The following ASAP1 variants were observed in gnomAD, a reference collection of about 807,000 sequenced individuals.
ASAP1 encodes the protein ArfGAP with SH3 domain, ankyrin repeat and PH domain 1, also known as arf-GAP with SH3 domain, ANK repeat and PH domain-containing protein 1.
A neutral mutation model predicts 145.2 loss-of-function variants in ASAP1; 43 were observed. The ratio of observed to expected loss-of-function variants is 0.30; its 90% CI spans 0.23 to 0.38. The LOEUF is 0.38. Among genes scored for constraint, ASAP1 ranks in the 10% least tolerant of loss-of-function variants. The pLI is 1.00. For synonymous variants in ASAP1, 546 were observed against 515.5 expected (o/e 1.06, Z -0.80); for missense variants, 1,018 against 1,355.3 (o/e 0.75, Z 3.91).
intron 27 of ASAP1, among the ~76,000 whole-genome samples, chr8:130,061,290 A>C (rs1349095656): frequency 1.3e-5 from 2 of 152,204 alleles, no homozygotes; most frequent in African/African-American, 4.8e-5. Flanking sequence ...ATTATATAAG[A>C]ACAGGATGTC....
At chr8:130,404,214 A>T (rs1300388497) in intron 1 of ASAP1, among the ~76,000 whole-genome samples, 1 of 152,226 alleles carries the variant, frequency 6.6e-6, no homozygotes, top group Non-Finnish European at 1.5e-5. Flanking sequence ...TGGATAAACG[A>T]TCAAACCATT....
intron 24 of ASAP1, among the ~76,000 whole-genome samples, chr8:130,101,552 A>G (rs2097528751): frequency 6.6e-6 from 1 of 151,558 alleles, no homozygotes; most frequent in South Asian, 2.1e-4. Flanking sequence ...TAGCTATCGT[A>G]AAAGGGATTG....
intron 22 of ASAP1, among the ~76,000 whole-genome samples, chr8:130,116,370 T>A (rs1287919973): frequency 6.6e-6 from 1 of 152,260 alleles, no homozygotes; most frequent in Non-Finnish European, 1.5e-5. Flanking sequence ...AATAATTCTT[T>A]ACTATTAAGC....
intron 18 of ASAP1, among the ~76,000 whole-genome samples, chr8:130,120,674 G>A (rs561128959): frequency 7.2e-5 from 11 of 152,148 alleles, no homozygotes; most frequent in East Asian, 1.9e-4. Context: ...CAGATGCCAC[G>A]CAATTATTTG....
intron 1 of ASAP1, among the ~76,000 whole-genome samples, chr8:130,404,777 A>C (rs1030130342): frequency 1.8e-4 from 27 of 152,156 alleles, no homozygotes; most frequent in African/African-American, 6.3e-4. Context: ...TGGATTCTGG[A>C]CTGGATCACT....
intron 2 of ASAP1, among the ~76,000 whole-genome samples, chr8:130,374,562 A>G (rs1827389247): frequency 6.6e-6 from 1 of 152,216 alleles, no homozygotes. Context: ...CTAGGTGGCT[A>G]TATTATTTTG....
At chr8:130,231,358 A>AT (rs1274327113) in intron 4 of ASAP1, among the ~76,000 whole-genome samples, 4 of 152,204 alleles carry the variant, frequency 2.6e-5, no homozygotes, top group Non-Finnish European at 5.9e-5. Context: ...CTTCCACATC[A>AT]TATGCTGGTA....
chr8:130,310,247 A>C (rs1398541979), intron 3 of ASAP1, among the ~76,000 whole-genome samples: 2 of 152,174 alleles, frequency 1.3e-5, no homozygotes, highest in African/African-American at 4.8e-5. Context: ...AGAAATAACC[A>C]TTGTTATGGG....
intron 13 of ASAP1, 81 bp from the exon 14 acceptor site, chr8:130,137,119 T>C (rs1042059382): frequency 1.4e-5 from 17 of 1,173,432 alleles, no homozygotes; most frequent in African/African-American, 6.0e-5. Context: ...AGGGCAGGTA[T>C]GCTGTTCATA....
At chr8:130,057,905 G>T (rs759743346) in intron 29 of ASAP1, 49 bp downstream of exon 29, 1 of 1,603,752 alleles carries the variant, frequency 6.2e-7, no homozygotes, top group South Asian at 1.1e-5. Context: ...TGCCTGCCCA[G>T]GCATGCTGTA....
At chr8:130,422,042 A>G (rs1829740232) in intron 1 of ASAP1, among the ~76,000 whole-genome samples, 1 of 152,236 alleles carries the variant, frequency 6.6e-6, no homozygotes, top group East Asian at 1.9e-4. Context: ...GGGTGGGCAC[A>G]AACAAGAAGG....
At chr8:130,075,696 A>G (rs1477613253) in intron 27 of ASAP1, among the ~76,000 whole-genome samples, 1 of 152,220 alleles carries the variant, frequency 6.6e-6, no homozygotes, top group African/African-American at 2.4e-5. Context: ...TGTAATAAGA[A>G]GACTGAAATT....
intron 24 of ASAP1, among the ~76,000 whole-genome samples, chr8:130,096,784 G>A (rs767162158): frequency 6.6e-6 from 1 of 152,036 alleles, no homozygotes; most frequent in Non-Finnish European, 1.5e-5. Flanking sequence ...TGTTCTGCAG[G>A]GTGAGAAGGC....
intron 2 of ASAP1, among the ~76,000 whole-genome samples, chr8:130,374,575 T>C (rs1327790293): frequency 6.6e-6 from 1 of 152,260 alleles, no homozygotes; most frequent in Non-Finnish European, 1.5e-5. Context: ...TTATTTTGTA[T>C]AATTGCTTTT....
At position 130,053,596 on chromosome 8, in the gene ASAP1, T is replaced by C. The variant is rs1401444001; in HGVS notation, c.*1135A>G. 6.6e-6 allele frequency: 1 copy of C among 152,244 alleles called. No individual in the cohort carries two copies. The highest frequency in any genetic ancestry group is 2.1e-4 in the South Asian group (1 of 4,836). The allele number at this position is 152,244 out of a possible 1,614,324, so 9.4% of individuals were successfully genotyped here. A position where few individuals can be genotyped will look rare whatever the true frequency, so the allele number is the denominator to read the frequency against. ...GAGCATGGGAAAAGAAACACTTGGTTTCAGCACCTGGATTCTACATACAGT... is the reference window on the plus strand; with the variant it reads ...GAGCATGGGAAAAGAAACACTTGGTCTCAGCACCTGGATTCTACATACAGT... On this transcript the variant is annotated 3_prime_UTR_variant, in exon 30 of 30. Coordinates refer to ENST00000518721, the MANE Select transcript of ASAP1 (RefSeq NM_018482.4).
At chr8:130,280,943 G>T (rs770014890) in intron 3 of ASAP1, among the ~76,000 whole-genome samples, 111 of 151,880 alleles carry the variant, frequency 7.3e-4, no homozygotes, top group Non-Finnish European at 1.6e-3. Flanking sequence ...TCTAAAAATG[G>T]GTGAGTAAAT....
chr8:130,175,072 AT>A (rs1353605531), intron 9 of ASAP1, among the ~76,000 whole-genome samples: 2 of 152,218 alleles, frequency 1.3e-5, no homozygotes, highest in African/African-American at 4.8e-5. Flanking sequence ...ATAGGTTGCA[AT>A]CTTCCCACAT....
intron 3 of ASAP1, among the ~76,000 whole-genome samples, chr8:130,260,558 G>A (rs933745553): frequency 6.6e-6 from 1 of 152,202 alleles, no homozygotes; most frequent in Non-Finnish European, 1.5e-5. Flanking sequence ...GTTAGCACCA[G>A]GACTAAATCT....
chr8:130,321,079 C>T (rs1401891945), intron 3 of ASAP1, among the ~76,000 whole-genome samples: 1 of 152,120 alleles, frequency 6.6e-6, no homozygotes, highest in Non-Finnish European at 1.5e-5. Flanking sequence ...TTTTGTGATT[C>T]CAAGACACAA....
Sources: gnomAD v4.1 joint callset for allele counts (sites outside exome capture counted in the v4.1 genomes callset) on GRCh38, gnomAD v4.1.1 for gene constraint, MANE v1.5 for transcripts, NCBI Gene and HGNC (gene_info 2026-07-23, HGNC 2026-07-21) for gene names.